Variants in DPP6 observed in about 807,000 individuals in gnomAD.
DPP6 encodes A-type potassium channel modulatory protein DPP6.
DPP6 carries 69 observed loss-of-function variants against 122.6 expected under a neutral mutation model. The observed-to-expected ratio is 0.56, with a 90% CI of 0.46 to 0.69. The LOEUF (loss-of-function observed/expected upper bound fraction) is 0.69, where lower values mean the gene tolerates loss of function less well. Among genes scored for constraint, DPP6 ranks in the 30% least tolerant of loss-of-function variants. The pLI, the probability that DPP6 is intolerant of heterozygous loss-of-function variation, is 0.00. For synonymous variants in DPP6, 418 were observed against 433.1 expected, an observed-to-expected ratio of 0.97 and a Z score of 0.43; for missense variants, 928 against 1,116.9, an observed-to-expected ratio of 0.83 and a Z score of 2.41.
At chr7:154,063,663 T>G (rs6951974) in intron 1 of DPP6, among the ~76,000 whole-genome samples, 7,214 of 78,936 alleles carry the variant, frequency 0.091, 89 homozygotes, top group African/African-American at 0.17. Context: ...CTCTGGCGCT[T>G]AGGACCCCCA....
intron 1 of DPP6, chr7:154,055,637 C>T (rs1343603020): frequency 6.6e-6 from 1 of 152,154 alleles, no homozygotes; most frequent in Non-Finnish European, 1.5e-5. Context: ...AACCTCAAGA[C>T]AAACCGAGGC....
chr7:153,952,344 TA>T (rs546304664), intron 1 of DPP6, among the ~76,000 whole-genome samples: 11 of 152,246 alleles, frequency 7.2e-5, no homozygotes, highest in Non-Finnish European at 1.3e-4. Flanking sequence ...CACAGAGGAT[TA>T]AACTAAGGCC....
At chr7:154,461,936 T>G (rs919773318) in intron 2 of DPP6, among the ~76,000 whole-genome samples, 1 of 152,200 alleles carries the variant, frequency 6.6e-6, no homozygotes, top group African/African-American at 2.4e-5. Context: ...AATTTTTACC[T>G]AGTACAGTGT....
chr7:154,281,064 A>C (rs899640857), intron 1 of DPP6, among the ~76,000 whole-genome samples: 4 of 151,250 alleles, frequency 2.6e-5, no homozygotes, highest in Non-Finnish European at 5.9e-5. Context: ...CCAGGCTGGC[A>C]CACAGTGGCA....
At chr7:154,344,807 G>C (rs1276179615) in intron 1 of DPP6, among the ~76,000 whole-genome samples, 1 of 152,150 alleles carries the variant, frequency 6.6e-6, no homozygotes. Flanking sequence ...AGAATTGCTT[G>C]AACCCAGGAG....
At chr7:153,825,660 A>G in the DPP6 span, among the ~76,000 whole-genome samples, 1 of 152,140 alleles carries the variant, frequency 6.6e-6, no homozygotes, top group Non-Finnish European at 1.5e-5. Flanking sequence ...CCTGGGTTCA[A>G]GTGATTCTTC....
Position 154,757,681 on chromosome 7 carries a change from C to T in DPP6, c.884-11736C>T, listed in dbSNP as rs544706261. 3.7e-4 allele frequency among the ~76,000 whole-genome samples: 56 copies of T among 152,312 alleles called. No individual in the cohort carries two copies. In the South Asian group the frequency reaches 0.011, roughly 30 times the overall value. On this transcript the variant is annotated intron_variant, in intron 8 of 25. Transcript: ENST00000377770. Reference sequence around the variant, plus strand: ...ACAGTGTCCTGGCCTCTTATCTATCCTCTGGAGAGTCTGCCTCACAGCACT... The same window carrying T: ...ACAGTGTCCTGGCCTCTTATCTATCTTCTGGAGAGTCTGCCTCACAGCACT...
the DPP6 span, among the ~76,000 whole-genome samples, chr7:153,812,798 T>C: frequency 6.6e-6 from 1 of 152,140 alleles, no homozygotes; most frequent in Non-Finnish European, 1.5e-5. Flanking sequence ...TTCTGTGATC[T>C]CCATCTAGAC....
intron 5 of DPP6, among the ~76,000 whole-genome samples, chr7:154,629,754 G>A (rs1835296032): frequency 6.6e-6 from 1 of 152,158 alleles, no homozygotes; most frequent in African/African-American, 2.4e-5. Context: ...TGCTATCCAT[G>A]CTGGGGAGCT....
At chr7:154,533,357 A>C (rs1194882545) in intron 3 of DPP6, among the ~76,000 whole-genome samples, 1 of 152,218 alleles carries the variant, frequency 6.6e-6, no homozygotes, top group Non-Finnish European at 1.5e-5. Flanking sequence ...AAATCATCAA[A>C]TGACTCCTAT....
At chr7:154,516,467 A>C (rs6953095) in intron 3 of DPP6, among the ~76,000 whole-genome samples, 37,237 of 152,080 alleles carry the variant, frequency 0.24, 5,154 homozygotes, top group Admixed American at 0.37. Flanking sequence ...TCTCACATGC[A>C]CTGACTCAAG....
chr7:153,776,915 T>G, the DPP6 span, among the ~76,000 whole-genome samples: 21 of 152,348 alleles, frequency 1.4e-4, no homozygotes, highest in African/African-American at 5.1e-4. Flanking sequence ...TGGACTTTGT[T>G]ATAATTTTAA....
At chr7:154,243,376 G>A (rs74644281) in intron 1 of DPP6, among the ~76,000 whole-genome samples, 5,755 of 152,140 alleles carry the variant, frequency 0.038, 173 homozygotes, top group East Asian at 0.13. Flanking sequence ...TATAGCCAAG[G>A]AATTAAAGGA....
chr7:154,482,982 A>G (rs2151373549), intron 3 of DPP6, among the ~76,000 whole-genome samples: 1 of 152,208 alleles, frequency 6.6e-6, no homozygotes, highest in Non-Finnish European at 1.5e-5. Context: ...AACTCGGTGG[A>G]AATGTTCGTT....
rs980413418 is a variant in DPP6 at position 154,481,593 on chromosome 7, C to T, written c.457+6556C>T. On this transcript the variant is annotated intron_variant, in intron 3 of 25. Transcript: ENST00000377770. The surrounding 1 kb of genome is among the most constrained non-coding windows in gnomAD (Gnocchi z 4.2). ...TCTCCTGACTCATCATTGGCCATCT[C>T]CCCAGTTTTCTCTTAAACTTTGCCT... 6.6e-6 allele frequency among the ~76,000 whole-genome samples: 1 copy of T among 151,796 alleles called. No individual in the cohort carries two copies. Among genetic ancestry groups the T allele is most frequent in the Non-Finnish European group, 1.5e-5 (1 of 67,988 alleles).
In DPP6 at chr7:154,483,354, T is replaced by G. The variant is rs1454783173; in HGVS notation, c.457+8317T>G. ...TTGAGTCATATTTAAATTGTTTATTTCTTTCTGTTAAAGGTAAACTGAGGC... is the reference window on the plus strand; with the variant it reads ...TTGAGTCATATTTAAATTGTTTATTGCTTTCTGTTAAAGGTAAACTGAGGC... On this transcript the variant is annotated intron_variant, in intron 3 of 25. Transcript: ENST00000377770. This position sits in a 1 kb window ranked among gnomAD's most constrained non-coding sequence, Gnocchi z 8.1. Among the ~76,000 whole-genome samples the G allele has an allele frequency of 1.3e-5, 2 of 151,952 alleles. No individual in the cohort carries two copies. The highest frequency in any genetic ancestry group is 4.8e-5 in the African/African-American group (2 of 41,330).
At chr7:154,346,625 T>C (rs1181098767) in intron 1 of DPP6, among the ~76,000 whole-genome samples, 1 of 152,086 alleles carries the variant, frequency 6.6e-6, no homozygotes, top group Non-Finnish European at 1.5e-5. Flanking sequence ...ACACTTTTAA[T>C]TGGGACCCCC....
chr7:154,496,153 T>C (rs1008545793), intron 3 of DPP6, among the ~76,000 whole-genome samples: 1 of 152,194 alleles, frequency 6.6e-6, no homozygotes, highest in Non-Finnish European at 1.5e-5. Context: ...GCCTATGATA[T>C]GTTTCTAAGA....
At chr7:154,224,961 G>T in intron 1 of DPP6, among the ~76,000 whole-genome samples, 1 of 152,082 alleles carries the variant, frequency 6.6e-6, no homozygotes, top group Non-Finnish European at 1.5e-5. Context: ...TGGCCAACAT[G>T]GTGAACCCCG....
Sources: gnomAD v4.1 joint callset for allele counts (sites outside exome capture counted in the v4.1 genomes callset) on GRCh38, gnomAD v4.1.1 for gene constraint, Gnocchi (gnomAD v3.1) non-coding constraint, MANE v1.5 for transcripts, NCBI Gene and HGNC (gene_info 2026-07-23, HGNC 2026-07-21) for gene names.